The following SIAH1 variants were observed in gnomAD, a reference collection of about 807,000 sequenced individuals.
SIAH1 encodes the protein E3 ubiquitin-protein ligase SIAH1.
Under a neutral mutation model 20.0 loss-of-function variants are expected in SIAH1, and 2 were observed. That is an observed-to-expected ratio of 0.10 (90% CI 0.04 to 0.31). The LOEUF is 0.31. Ranked by LOEUF, SIAH1 falls within the 10% of genes least tolerant of loss-of-function variation. SIAH1 has a pLI of 1.00. For synonymous variants in SIAH1, 118 were observed against 125.3 expected, an observed-to-expected ratio of 0.94 and a Z score of 0.39; for missense variants, 119 against 355.3, an observed-to-expected ratio of 0.33 and a Z score of 5.35.
chr16:48,380,927 T>G (rs1961262891), intron 1 of SIAH1, among the ~76,000 whole-genome samples: 2 of 804 alleles, frequency 2.5e-3, no homozygotes, highest in African/African-American at 6.3e-3. Flanking sequence ...AGACTCCGTC[T>G]CAAAAAAAAA....
chr16:48,364,309 A>G (rs1960742252), intron 1 of SIAH1, among the ~76,000 whole-genome samples: 1 of 152,212 alleles, frequency 6.6e-6, no homozygotes, highest in African/African-American at 2.4e-5. Context: ...TTCTGTTGCA[A>G]GGAACTTTTA....
Position 48,385,374 on chromosome 16 carries a change from C to G in SIAH1, c.-173G>C, listed in dbSNP as rs1175492865. 1 of 149,826 alleles carries G rather than the reference C, an allele frequency of 6.7e-6. No homozygotes were observed. Among genetic ancestry groups the G allele is most frequent in the Non-Finnish European group, 1.4e-5 (1 of 70,980 alleles). The allele number at this position is 149,826 out of a possible 1,614,324, so 9.3% of individuals were successfully genotyped here. On this transcript the variant is annotated 5_prime_UTR_variant, in exon 1 of 2. Coordinates refer to ENST00000394725, the MANE Select transcript of SIAH1 (RefSeq NM_003031.4). ...CGCCCCGCAACGGCCGCCCCGGCTC[C>G]CCCCTGGCCGCCGCCGCCGCCGCCG...
rs1294309204 is a variant in SIAH1 at position 48,361,137 on chromosome 16, ATG to A, written c.*441_*442del. 2 of 163,014 alleles carry A rather than the reference ATG, an allele frequency of 1.2e-5. No homozygotes were observed. The highest frequency in any genetic ancestry group is 4.8e-5 in the African/African-American group (2 of 41,532). The allele number at this position is 163,014 out of a possible 1,614,324, so 10.1% of individuals were successfully genotyped here. A position where few individuals can be genotyped will look rare whatever the true frequency, so the allele number is the denominator to read the frequency against. On this transcript the variant is annotated 3_prime_UTR_variant, in exon 2 of 2. Transcript: ENST00000394725. ...CACAAAAAAAGCACACAGCAGCACT[ATG>A]TATTGACTCACAAAGGGAAAAGCAG...
At position 48,365,954 on chromosome 16, in the gene SIAH1, T is replaced by C. The variant is rs368076845; in HGVS notation, c.-2-3524A>G. 4,107 of 1,172,742 alleles carry C rather than the reference T, an allele frequency of 3.5e-3. 314 individuals carry two copies. The South Asian group carries it at 0.16, about 44-fold the overall frequency. The allele number at this position is 1,172,742 out of a possible 1,614,324, so 72.6% of individuals were successfully genotyped here. A position where few individuals can be genotyped will look rare whatever the true frequency, so the allele number is the denominator to read the frequency against. ...GGGCTGGGCCTGCGTTGGGAACGCCTACTCCAACCCGGGGCGCCAGGGCCA... is the reference window on the plus strand; with the variant it reads ...GGGCTGGGCCTGCGTTGGGAACGCCCACTCCAACCCGGGGCGCCAGGGCCA... On this transcript the variant is annotated intron_variant, in intron 1 of 1. Transcript: ENST00000394725.
intron 1 of SIAH1, among the ~76,000 whole-genome samples, chr16:48,368,406 C>A (rs565588735): frequency 7.9e-5 from 12 of 152,276 alleles, no homozygotes; most frequent in East Asian, 7.7e-4. Context: ...ACAACAACAA[C>A]AAAAAACAGC....
At chr16:48,378,578 T>A (rs980759713) in intron 1 of SIAH1, among the ~76,000 whole-genome samples, 3 of 152,246 alleles carry the variant, frequency 2.0e-5, no homozygotes, top group Admixed American at 6.5e-5. Context: ...TTTTTCCATA[T>A]GTATTTAGGC....
rs777071703 is a variant in SIAH1, at chr16:48,360,609, CAAAT to C, written c.*967_*970del. On this transcript the variant is annotated 3_prime_UTR_variant, in exon 2 of 2. Coordinates refer to ENST00000394725, the MANE Select transcript of SIAH1 (RefSeq NM_003031.4). ...ATTTTTTGCAAACTGCCTTTTTAAA[CAAAT>C]GATTTGCTTTTAATTACAAATACTG... The C allele has an allele frequency of 2.6e-5, 4 of 152,550 alleles. No individual in the cohort carries two copies. Among genetic ancestry groups the C allele is most frequent in the Non-Finnish European group, 5.9e-5 (4 of 68,006 alleles). The allele number at this position is 152,550 out of a possible 1,614,324, so 9.4% of individuals were successfully genotyped here.
At chr16:48,383,235 A>C (rs911969315) in intron 1 of SIAH1, among the ~76,000 whole-genome samples, 4 of 152,188 alleles carry the variant, frequency 2.6e-5, no homozygotes, top group African/African-American at 9.7e-5. Flanking sequence ...CGAAAAAAAA[A>C]CTGTTTGGCA....
chr16:48,365,176 A>G, intron 1 of SIAH1: 1 of 525,776 alleles, frequency 1.9e-6, no homozygotes, highest in South Asian at 2.8e-5. Flanking sequence ...GGCGCCCTGC[A>G]GTAGGAACCA....
chr16:48,375,734 G>GT (rs1801735501), intron 1 of SIAH1, among the ~76,000 whole-genome samples: 1 of 152,136 alleles, frequency 6.6e-6, no homozygotes. Context: ...AAAAAAATAG[G>GT]TAAGTATAAT....
chr16:48,376,835 T>TA (rs1961121791), intron 1 of SIAH1, among the ~76,000 whole-genome samples: 1 of 152,196 alleles, frequency 6.6e-6, no homozygotes, highest in Admixed American at 6.5e-5. Flanking sequence ...AAAGCTACCT[T>TA]ACCCAACAAG....
chr16:48,382,515 G>A (rs557646547), intron 1 of SIAH1, among the ~76,000 whole-genome samples: 2 of 152,318 alleles, frequency 1.3e-5, no homozygotes, highest in South Asian at 2.1e-4. Context: ...CCCTTATGCA[G>A]CAGATATTCT....
intron 1 of SIAH1, among the ~76,000 whole-genome samples, chr16:48,381,803 A>C (rs562465608): frequency 6.6e-6 from 1 of 152,320 alleles, no homozygotes; most frequent in East Asian, 1.9e-4. Context: ...GAAAGCATTC[A>C]TGTATGTCAT....
intron 1 of SIAH1, among the ~76,000 whole-genome samples, chr16:48,374,526 A>C (rs1032646513): frequency 5.3e-5 from 8 of 152,200 alleles, no homozygotes; most frequent in African/African-American, 1.9e-4. Flanking sequence ...ATACAAGGGA[A>C]ATAACCAAGA....
At chr16:48,370,432 T>C (rs1960953799) in intron 1 of SIAH1, among the ~76,000 whole-genome samples, 1 of 152,168 alleles carries the variant, frequency 6.6e-6, no homozygotes, top group Non-Finnish European at 1.5e-5. Flanking sequence ...ATTAAGCACC[T>C]ACTAAGTGCC....
chr16:48,386,219 T>C (rs1241608664), upstream of SIAH1, among the ~76,000 whole-genome samples: 1 of 152,166 alleles, frequency 6.6e-6, no homozygotes, highest in African/African-American at 2.4e-5. Context: ...ATTAAAATGG[T>C]ATTCCGTCCG....
intron 1 of SIAH1, chr16:48,365,641 A>T: frequency 7.0e-7 from 1 of 1,428,872 alleles, no homozygotes; most frequent in Non-Finnish European, 9.1e-7. Context: ...GGAGAAAGGA[A>T]GCCTTTCCAT....
intron 1 of SIAH1, among the ~76,000 whole-genome samples, chr16:48,367,793 T>G (rs1960880663): frequency 6.9e-6 from 1 of 144,486 alleles, no homozygotes; most frequent in South Asian, 2.1e-4. Context: ...ACACTAGTTT[T>G]ACAAAAAGCT....
In SIAH1 at chr16:48,384,632, C is replaced by T. The variant is rs182472795; in HGVS notation, c.-3+572G>A. 4.6e-3 allele frequency among the ~76,000 whole-genome samples: 704 copies of T among 151,838 alleles called. 1 individual carries two copies. Among genetic ancestry groups the T allele is most frequent in the African/African-American group, 0.017 (688 of 41,532 alleles). ...AGCGGCAGGAAGAGCGCAGCCCCGT[C>T]CCGGACGGCTCCAGCCGGGGGTCGG... On this transcript the variant is annotated intron_variant, in intron 1 of 1. Transcript: ENST00000394725.
Sources: gnomAD v4.1 joint callset for allele counts (sites outside exome capture counted in the v4.1 genomes callset) on GRCh38, gnomAD v4.1.1 for gene constraint, MANE v1.5 for transcripts, NCBI Gene and HGNC (gene_info 2026-07-23, HGNC 2026-07-21) for gene names.